The following METTL15 variants were observed in gnomAD, a reference collection of about 807,000 sequenced individuals.
METTL15 encodes the protein methyltransferase 15, mitochondrial 12S rRNA N4-cytidine.
METTL15 carries 34 observed loss-of-function variants against 38.3 expected under a neutral mutation model. The ratio of observed to expected loss-of-function variants is 0.89; its 90% confidence interval spans 0.68 to 1.18. METTL15 has a LOEUF of 1.18. METTL15 is among the 50% of genes most tolerant of loss of function. The pLI, the probability that METTL15 is intolerant of heterozygous loss-of-function variation, is 0.00. For missense variants in METTL15, 438 were observed against 498.4 expected (o/e 0.88, Z 1.15); for synonymous variants, 162 against 170.9 (o/e 0.95, Z 0.41).
intron 6 of METTL15, among the ~76,000 whole-genome samples, chr11:28,501,597 C>A (rs189050792): frequency 1.7e-3 from 252 of 152,232 alleles, no homozygotes; most frequent in African/African-American, 5.9e-3. Flanking sequence ...TCATCTACAG[C>A]CACACCGTCA....
At chr11:28,374,075 A>G (rs1018593002) in intron 5 of METTL15, among the ~76,000 whole-genome samples, 1 of 152,066 alleles carries the variant, frequency 6.6e-6, no homozygotes, top group Non-Finnish European at 1.5e-5. Flanking sequence ...GTAGCCTTGT[A>G]GTATAGTTTG....
At chr11:28,473,030 A>G (rs1466973453) in intron 6 of METTL15, among the ~76,000 whole-genome samples, 2 of 152,142 alleles carry the variant, frequency 1.3e-5, no homozygotes, top group African/African-American at 4.8e-5. Context: ...AAATGGATAA[A>G]GGAGGCAGGC....
At chr11:28,405,585 G>A (rs1016583744) in intron 5 of METTL15, among the ~76,000 whole-genome samples, 4 of 152,088 alleles carry the variant, frequency 2.6e-5, no homozygotes, top group Admixed American at 1.3e-4. Context: ...GTTCAAAAGC[G>A]TGTGAGAACA....
At chr11:28,362,386 G>A (rs1408072024) in intron 5 of METTL15, among the ~76,000 whole-genome samples, 2 of 152,010 alleles carry the variant, frequency 1.3e-5, no homozygotes, top group Non-Finnish European at 2.9e-5. Context: ...TTGTTACATG[G>A]GTAAATTGTG....
intron 3 of METTL15, among the ~76,000 whole-genome samples, chr11:28,130,421 A>G (rs561524628): frequency 1.1e-3 from 164 of 152,294 alleles, no homozygotes; most frequent in African/African-American, 2.2e-3. Context: ...GATAGTTTGT[A>G]TGCACATAAC....
At chr11:28,475,524 A>G (rs1851338737) in intron 6 of METTL15, among the ~76,000 whole-genome samples, 1 of 152,140 alleles carries the variant, frequency 6.6e-6, no homozygotes, top group Non-Finnish European at 1.5e-5. Context: ...AATGGTTTTC[A>G]TGGTTTGACA....
chr11:28,507,253 A>G (rs1021657959), intron 6 of METTL15, among the ~76,000 whole-genome samples: 1 of 152,172 alleles, frequency 6.6e-6, no homozygotes, highest in Non-Finnish European at 1.5e-5. Flanking sequence ...CAAACTTACA[A>G]TCATGATAGA....
At chr11:28,162,782 G>A (rs1354546569) in intron 3 of METTL15, among the ~76,000 whole-genome samples, 2 of 152,064 alleles carry the variant, frequency 1.3e-5, no homozygotes, top group Non-Finnish European at 2.9e-5. Context: ...AATAAGTACT[G>A]ATTATCATGT....
intron 6 of METTL15, among the ~76,000 whole-genome samples, chr11:28,431,705 G>A (rs1173195657): frequency 2.2e-5 from 2 of 89,940 alleles, no homozygotes; most frequent in Non-Finnish European, 4.2e-5. Flanking sequence ...TTTATCTGCT[G>A]ACCTTCCCTC....
chr11:28,247,177 G>GATTTCAA (rs1854547129), intron 4 of METTL15, among the ~76,000 whole-genome samples: 1 of 152,040 alleles, frequency 6.6e-6, no homozygotes, highest in African/African-American at 2.4e-5. Flanking sequence ...AATGCACACT[G>GATTTCAA]ATTTCAAATA....
At chr11:28,206,394 G>A (rs1380233326) in intron 3 of METTL15, among the ~76,000 whole-genome samples, 6 of 152,140 alleles carry the variant, frequency 3.9e-5, no homozygotes, top group East Asian at 1.9e-4. Flanking sequence ...TTTTTGTCAG[G>A]TTTGTCAAAG....
rs759899750 is a variant in METTL15, at chr11:28,358,330, C to G, written c.*259-3607C>G. On this transcript the variant is annotated intron_variant and NMD_transcript_variant, in intron 4 of 7. Transcript: ENST00000532947. ...CATGCTATGCTGGACTTCTGTCCTACTGAAACTGCAAAGTAATAAAGGGTC... is the reference window on the plus strand; with the variant it reads ...CATGCTATGCTGGACTTCTGTCCTAGTGAAACTGCAAAGTAATAAAGGGTC... Among the ~76,000 whole-genome samples the G allele has an allele frequency of 1.1e-3, 172 of 152,192 alleles. 1 individual carries two copies. Among genetic ancestry groups the G allele is most frequent in the Non-Finnish European group, 2.9e-4 (20 of 68,032 alleles).
intron 6 of METTL15, among the ~76,000 whole-genome samples, chr11:28,429,315 G>T (rs1180027988): frequency 6.6e-6 from 1 of 150,918 alleles, no homozygotes; most frequent in African/African-American, 2.4e-5. Flanking sequence ...TTGGTAAAAA[G>T]TGCCTTCTTA....
chr11:28,123,925 G>T, intron 3 of METTL15: 15 of 1,363,902 alleles, frequency 1.1e-5, no homozygotes, highest in Non-Finnish European at 1.4e-5. Flanking sequence ...CACTTGAGGC[G>T]AGTATACACT....
At chr11:28,447,552 T>C (rs933687479) in intron 6 of METTL15, among the ~76,000 whole-genome samples, 1 of 152,190 alleles carries the variant, frequency 6.6e-6, no homozygotes, top group Non-Finnish European at 1.5e-5. Context: ...GTTTTTCTTT[T>C]TTTTGTGCCA....
chr11:28,389,486 A>G (rs1850478703), intron 5 of METTL15, among the ~76,000 whole-genome samples: 2 of 144,960 alleles, frequency 1.4e-5, no homozygotes, highest in South Asian at 4.4e-4. Flanking sequence ...GCGGTGTTTG[A>G]TTTTTTGTCC....
chr11:28,214,823 G>T (rs1159412380), intron 4 of METTL15, among the ~76,000 whole-genome samples: 1 of 152,132 alleles, frequency 6.6e-6, no homozygotes, highest in African/African-American at 2.4e-5. Flanking sequence ...TATAAAATTA[G>T]TAAGATGATA....
chr11:28,244,656 C>T (rs563375643), intron 4 of METTL15, among the ~76,000 whole-genome samples: 1 of 152,258 alleles, frequency 6.6e-6, no homozygotes, highest in Admixed American at 6.5e-5. Context: ...AAACCTTATA[C>T]TTGTTAGGAA....
intron 3 of METTL15, among the ~76,000 whole-genome samples, chr11:28,340,967 T>C (rs946497920): frequency 1.3e-5 from 2 of 152,202 alleles, no homozygotes; most frequent in African/African-American, 2.4e-5. Context: ...GTGGCACATA[T>C]ACACCATGGA....
Sources: allele counts gnomAD v4.1 joint callset (sites outside exome capture counted in the v4.1 genomes callset), GRCh38; gene constraint gnomAD v4.1.1; transcripts MANE v1.5; gene names NCBI Gene and HGNC (gene_info 2026-07-23, HGNC 2026-07-21).